DLG2: variants seen among roughly 807,000 people sequenced by gnomAD.
DLG2 encodes the protein disks large homolog 2.
Under a neutral mutation model 132.5 loss-of-function variants are expected in DLG2, and 45 were observed. The ratio of observed to expected loss-of-function variants is 0.34; its 90% CI spans 0.27 to 0.44. DLG2 has a LOEUF of 0.44. DLG2 is among the 20% of genes least tolerant of loss of function. DLG2 has a pLI of 1.00. For missense variants in DLG2, 1,045 were observed against 1,196.9 expected (o/e 0.87, Z 1.87); for synonymous variants, 424 against 419.6 (o/e 1.01, Z -0.13).
At chr11:85,165,356 C>A (rs548361468) in intron 4 of DLG2, among the ~76,000 whole-genome samples, 1 of 152,256 alleles carries the variant, frequency 6.6e-6, no homozygotes, top group South Asian at 2.1e-4. Context: ...AAAGACCAGA[C>A]GAAATCAGAA....
intron 20 of DLG2, among the ~76,000 whole-genome samples, chr11:83,534,451 A>C (rs2095834545): frequency 6.6e-6 from 1 of 152,246 alleles, no homozygotes; most frequent in African/African-American, 2.4e-5. Flanking sequence ...TAAGCTATTC[A>C]TAGATCAATA....
chr11:84,280,912 G>A (rs936150392), intron 7 of DLG2, among the ~76,000 whole-genome samples: 2 of 121,984 alleles, frequency 1.6e-5, no homozygotes, highest in South Asian at 2.6e-4. Flanking sequence ...TAGTAGAGAC[G>A]GGGTTTTACT....
chr11:84,749,016 T>G (rs1332898985), intron 6 of DLG2, among the ~76,000 whole-genome samples: 2 of 152,032 alleles, frequency 1.3e-5, no homozygotes, highest in Admixed American at 6.6e-5. Flanking sequence ...TAAAATAAAT[T>G]AAGAATAAAT....
rs563412560 is a variant in DLG2 at position 84,195,353 on chromosome 11, C to T, written c.574-31842G>A. The stretch of plus-strand genomic sequence containing the variant: ...TAATTTTTTTTTATTCTAGTAGAGA[C>T]GGGGTTTCACCCATGTTGGCCAGGA... On this transcript the variant is annotated intron_variant, in intron 8 of 27. Transcript: ENST00000376104. 1.2e-4 allele frequency among the ~76,000 whole-genome samples: 19 copies of T among 152,158 alleles called. 1 individual carries two copies. The highest frequency in any genetic ancestry group is 2.7e-4 in the African/African-American group (11 of 41,504).
chr11:85,184,708 A>G (rs2079972054), intron 4 of DLG2, among the ~76,000 whole-genome samples: 1 of 151,944 alleles, frequency 6.6e-6, no homozygotes, highest in African/African-American at 2.4e-5. Context: ...TAAAATTTTA[A>G]TATAAACTTG....
At chr11:83,527,686 T>C (rs184931531) in intron 21 of DLG2, among the ~76,000 whole-genome samples, 4 of 152,258 alleles carry the variant, frequency 2.6e-5, no homozygotes, top group East Asian at 1.9e-4. Context: ...GTTTATACCA[T>C]ACCTTACTTT....
intron 6 of DLG2, among the ~76,000 whole-genome samples, chr11:84,963,128 C>A (rs1017038668): frequency 6.6e-6 from 1 of 152,140 alleles, no homozygotes; most frequent in African/African-American, 2.4e-5. Context: ...CCTTTCACAA[C>A]TAAATAATTT....
At chr11:85,113,421 A>AGAAAGATGGAAATGTGT (rs1386288123) in intron 5 of DLG2, among the ~76,000 whole-genome samples, 17 of 152,070 alleles carry the variant, frequency 1.1e-4, no homozygotes, top group African/African-American at 4.1e-4. Context: ...CATGGGATAA[A>AGAAAGATGGAAATGTGT]GAAAGATGGA....
rs538110523 is a variant in DLG2 at position 84,388,369 on chromosome 11, C to A, written c.520-137078G>T. 2.0e-5 allele frequency among the ~76,000 whole-genome samples: 3 copies of A among 151,762 alleles called. 1 individual carries two copies. The Middle Eastern group carries it at 9.6e-3, about 483-fold the overall frequency. ...CTCTAATAATTTTCCAAATTGCCTA[C>A]AGGGGGAAAATTAAAAGGGTGGTCT... On this transcript the variant is annotated intron_variant, in intron 7 of 27. Transcript: ENST00000376104.
At chr11:84,770,835 G>A (rs1205557080) in intron 6 of DLG2, among the ~76,000 whole-genome samples, 1 of 150,654 alleles carries the variant, frequency 6.6e-6, no homozygotes, top group Non-Finnish European at 1.5e-5. Context: ...TTTAAGTAAG[G>A]ACAGGGTTTC....
intron 18 of DLG2, among the ~76,000 whole-genome samples, chr11:83,696,439 C>T (rs2081960879): frequency 6.6e-6 from 1 of 152,026 alleles, no homozygotes; most frequent in African/African-American, 2.4e-5. Context: ...TTATTATTTA[C>T]TCATTAGGTA....
intron 7 of DLG2, among the ~76,000 whole-genome samples, chr11:84,364,022 A>G (rs2098666953): frequency 6.6e-6 from 1 of 152,098 alleles, no homozygotes; most frequent in Non-Finnish European, 1.5e-5. Context: ...TGAACTTTAA[A>G]GAAGTTTTTT....
At chr11:84,280,038 A>G (rs889670126) in intron 7 of DLG2, among the ~76,000 whole-genome samples, 5 of 152,220 alleles carry the variant, frequency 3.3e-5, no homozygotes, top group African/African-American at 2.4e-5. Flanking sequence ...ACAGTGTAAC[A>G]AGGCAAGTAA....
At chr11:84,043,337 T>C (rs1310193741) in intron 11 of DLG2, among the ~76,000 whole-genome samples, 1 of 151,812 alleles carries the variant, frequency 6.6e-6, no homozygotes, top group East Asian at 1.9e-4. Context: ...ACAGTTTTGA[T>C]GAAGGGCATA....
At chr11:84,152,675 C>T (rs1036578172) in intron 9 of DLG2, among the ~76,000 whole-genome samples, 9 of 152,174 alleles carry the variant, frequency 5.9e-5, no homozygotes, top group Middle Eastern at 3.4e-3. Flanking sequence ...CGTAAGCCAC[C>T]GCGCCCGGCC....
At chr11:84,830,962 C>CCG (rs1566082164) in intron 6 of DLG2, among the ~76,000 whole-genome samples, 1 of 107,380 alleles carries the variant, frequency 9.3e-6, no homozygotes, top group African/African-American at 3.5e-5. Context: ...CCCCCCACCC[C>CCG]CCCCAGCTCT....
intron 19 of DLG2, among the ~76,000 whole-genome samples, chr11:83,551,011 C>G (rs144802197): frequency 2.2e-3 from 331 of 152,242 alleles, no homozygotes; most frequent in African/African-American, 7.5e-3. Flanking sequence ...ATGCATGACT[C>G]GTGAAGATCA....
intron 14 of DLG2, 32 bp downstream of exon 14, chr11:83,962,853 G>A: frequency 6.2e-7 from 1 of 1,609,806 alleles, no homozygotes; most frequent in Non-Finnish European, 8.5e-7. Flanking sequence ...GGTAATAAGA[G>A]CAAATCCAAT....
At chr11:85,571,248 C>G (rs938516577) in intron 3 of DLG2, among the ~76,000 whole-genome samples, 1 of 151,968 alleles carries the variant, frequency 6.6e-6, no homozygotes, top group African/African-American at 2.4e-5. Flanking sequence ...ATTTTCTCAC[C>G]CTTCCCTAGG....
Sources: allele counts gnomAD v4.1 joint callset (sites outside exome capture counted in the v4.1 genomes callset), GRCh38; gene constraint gnomAD v4.1.1; transcripts MANE v1.5; gene names NCBI Gene and HGNC (gene_info 2026-07-23, HGNC 2026-07-21).